DEPDC5: variants seen among roughly 807,000 people sequenced by gnomAD.
DEPDC5 encodes DEP domain containing 5, GATOR1 subcomplex subunit.
A neutral mutation model predicts 217.3 loss-of-function variants in DEPDC5; 73 were observed. The ratio of observed to expected loss-of-function variants is 0.34; its 90% CI spans 0.28 to 0.41. DEPDC5 has a LOEUF of 0.41. Ranked by LOEUF, DEPDC5 falls within the 10% of genes least tolerant of loss-of-function variation. DEPDC5 has a pLI of 1.00. For missense variants in DEPDC5, 1,675 were observed against 2,070.1 expected (o/e 0.81, Z 3.70); for synonymous variants, 733 against 756.7 (o/e 0.97, Z 0.51).
At chr22:31,890,066 A>T (rs899092018) in intron 38 of DEPDC5, among the ~76,000 whole-genome samples, 1 of 152,132 alleles carries the variant, frequency 6.6e-6, no homozygotes, top group South Asian at 2.1e-4. Context: ...GAAGGAAAAG[A>T]GGAGAGTTAC....
At chr22:31,768,256 T>C (rs2084263264) in intron 6 of DEPDC5, among the ~76,000 whole-genome samples, 1 of 152,068 alleles carries the variant, frequency 6.6e-6, no homozygotes, top group African/African-American at 2.4e-5. Flanking sequence ...CTTGAAAAGA[T>C]TAGTTCATCA....
At chr22:31,840,562 C>T (rs1425399790) in intron 27 of DEPDC5, among the ~76,000 whole-genome samples, 3 of 152,186 alleles carry the variant, frequency 2.0e-5, no homozygotes, top group African/African-American at 7.2e-5. Context: ...TGGTGGATGT[C>T]CCTCAGTGGT....
chr22:31,816,847 A>G (rs991432432), intron 21 of DEPDC5: 2 of 153,376 alleles, frequency 1.3e-5, no homozygotes, highest in African/African-American at 2.4e-5. Context: ...TAATCTGACC[A>G]TGAGCTCTTT....
chr22:31,800,043 C>T (rs371394930), intron 14 of DEPDC5, among the ~76,000 whole-genome samples: 7 of 151,944 alleles, frequency 4.6e-5, no homozygotes, highest in East Asian at 1.9e-4. Context: ...CCTCGTGATC[C>T]GCCCACCTTG....
At position 31,783,977 on chromosome 22, in the gene DEPDC5, A is replaced by T; in HGVS notation, c.554A>T (p.Asp185Val). 6.2e-7 allele frequency: 1 copy of T among 1,613,512 alleles called. No individual in the cohort carries two copies. The highest frequency in any genetic ancestry group is 8.5e-7 in the Non-Finnish European group (1 of 1,179,702). ...ATGAGCTGTGAAATGTGGGATTTTG[A>T]TATTTATGGTACTGTGTCTATGTGC... ...IQMSCEMWDFDIYGDLYFEKA... is the reference protein window; with the variant it reads ...IQMSCEMWDFVIYGDLYFEKA... The change falls in exon 9 of 43, where the codon GAT becomes GTT. Residue 185 changes from aspartate to valine, a missense_variant. By Grantham distance (152) the Asp-to-Val change is radical (BLOSUM62 -3). This residue lies in a region of DEPDC5 where 628 missense variants were observed against 762.1 expected (regional missense o/e 0.82). Transcript: ENST00000651528.
chr22:31,818,731 C>G (rs2089408139), intron 21 of DEPDC5, among the ~76,000 whole-genome samples: 1 of 152,232 alleles, frequency 6.6e-6, no homozygotes, highest in Non-Finnish European at 1.5e-5. Flanking sequence ...GTCATTGCTT[C>G]CAGCTCAAAG....
At chr22:31,856,253 AC>A (rs1399634131) in intron 31 of DEPDC5, among the ~76,000 whole-genome samples, 1 of 151,354 alleles carries the variant, frequency 6.6e-6, no homozygotes, top group Non-Finnish European at 1.5e-5. Context: ...ACACACACAC[AC>A]TTCATTGCCT....
In DEPDC5 at chr22:31,893,858, T is replaced by C; in HGVS notation, c.4203+107T>C. 3.2e-6 allele frequency: 4 copies of C among 1,239,622 alleles called. No individual in the cohort carries two copies. The South Asian group carries it at 7.8e-5, about 24-fold the overall frequency. The allele number at this position is 1,239,622 out of a possible 1,614,324, so 76.8% of individuals were successfully genotyped here. ...TTTAATTTTTTAGTTCAGGCTCTTA[T>C]TACCATTCATCGGGACTATTGGAGT... On this transcript the variant is annotated intron_variant, in intron 39 of 42. Transcript: ENST00000651528.
chr22:31,798,046 G>C lies in DEPDC5; in HGVS notation c.871+343G>C, dbSNP rs139366626. On this transcript the variant is annotated intron_variant, in intron 13 of 42. Coordinates refer to ENST00000651528, the MANE Select transcript of DEPDC5 (RefSeq NM_001242896.3). ...AGCAATCCTCCTGCCTCAGCCTCCC[G>C]GGTAGCTAGGACGACAGGCATGCAC... Among the ~76,000 whole-genome samples, 3 of 151,660 alleles carry C rather than the reference G, an allele frequency of 2.0e-5. 1 individual carries two copies. The East Asian group carries it at 5.8e-4, about 30-fold the overall frequency.
chr22:31,771,133 A>G (rs1708859149), intron 7 of DEPDC5, among the ~76,000 whole-genome samples: 2 of 152,072 alleles, frequency 1.3e-5, no homozygotes, highest in Non-Finnish European at 2.9e-5. Context: ...TTGTTGTAAG[A>G]TGGTGATTTT....
At chr22:31,883,394 G>A (rs2093228341) in intron 38 of DEPDC5, among the ~76,000 whole-genome samples, 1 of 152,166 alleles carries the variant, frequency 6.6e-6, no homozygotes, top group South Asian at 2.1e-4. Context: ...TTAGAGGGAA[G>A]CACTGTCCTC....
At chr22:31,884,857 T>G (rs549623758) in intron 38 of DEPDC5, among the ~76,000 whole-genome samples, 2 of 152,242 alleles carry the variant, frequency 1.3e-5, no homozygotes, top group Non-Finnish European at 2.9e-5. Context: ...CTTCTCATTC[T>G]AGTCACTTAG....
At chr22:31,792,669 A>T in intron 11 of DEPDC5, 76 bp from the exon 12 acceptor site, 1 of 971,744 alleles carries the variant, frequency 1.0e-6, no homozygotes, top group Non-Finnish European at 1.5e-6. Flanking sequence ...GCAAATCTTT[A>T]ACCCAGAAGA....
intron 24 of DEPDC5, among the ~76,000 whole-genome samples, chr22:31,825,399 A>C (rs919143976): frequency 1.3e-5 from 2 of 152,236 alleles, no homozygotes; most frequent in Admixed American, 6.5e-5. Context: ...GTTCCCTGGC[A>C]GACTCAAATT....
At chr22:31,892,687 AAAAG>A (rs1398550184) in intron 38 of DEPDC5, among the ~76,000 whole-genome samples, 1 of 152,066 alleles carries the variant, frequency 6.6e-6, no homozygotes, top group South Asian at 2.1e-4. Flanking sequence ...CCATCTCTGA[AAAAG>A]AAAGAAAGAA....
chr22:31,878,367 T>A (rs1262214245), intron 37 of DEPDC5, among the ~76,000 whole-genome samples: 1 of 152,136 alleles, frequency 6.6e-6, no homozygotes, highest in African/African-American at 2.4e-5. Flanking sequence ...GTTGAAAACA[T>A]ACCAGGTTAC....
At chr22:31,841,883 TCTC>T (rs1383460803) in intron 27 of DEPDC5, among the ~76,000 whole-genome samples, 1 of 152,246 alleles carries the variant, frequency 6.6e-6, no homozygotes, top group Non-Finnish European at 1.5e-5. Context: ...CAGACCCTGT[TCTC>T]CTGCCTCAAG....
At chr22:31,766,761 A>G in intron 6 of DEPDC5, 93 bp downstream of exon 6, 1 of 1,126,418 alleles carries the variant, frequency 8.9e-7, no homozygotes, top group Non-Finnish European at 1.3e-6. Flanking sequence ...ATCGTTTCTG[A>G]TTTTATATCA....
At chr22:31,890,055 A>G (rs1290632138) in intron 38 of DEPDC5, among the ~76,000 whole-genome samples, 2 of 152,214 alleles carry the variant, frequency 1.3e-5, no homozygotes, top group East Asian at 1.9e-4. Flanking sequence ...CAGCAGGAAC[A>G]GAAGGAAAAG....
Sources: allele counts gnomAD v4.1 joint callset (sites outside exome capture counted in the v4.1 genomes callset), GRCh38; gene constraint gnomAD v4.1.1; regional missense constraint gnomAD v4.1.1; transcripts MANE v1.5; gene names NCBI Gene and HGNC (gene_info 2026-07-23, HGNC 2026-07-21).